Variants in PLXNA4 observed in about 807,000 individuals in gnomAD.
The protein encoded by PLXNA4 is plexin A4, also known as plexin-A4.
Under a neutral mutation model 191.8 loss-of-function variants are expected in PLXNA4, and 44 were observed. The ratio of observed to expected loss-of-function variants is 0.23; its 90% confidence interval spans 0.18 to 0.29. PLXNA4 has a LOEUF of 0.29. Among genes scored for constraint, PLXNA4 ranks in the 10% least tolerant of loss-of-function variants. The pLI, the probability that PLXNA4 is intolerant of heterozygous loss-of-function variation, is 1.00. For missense variants in PLXNA4, 1,800 were observed against 2,488.8 expected, an observed-to-expected ratio of 0.72 and a Z score of 5.89; for synonymous variants, 1,082 against 1,009.5, an observed-to-expected ratio of 1.07 and a Z score of -1.36.
chr7:132,145,721 T>TAGCACTG (rs1795406959), intron 28 of PLXNA4, among the ~76,000 whole-genome samples: 1 of 151,924 alleles, frequency 6.6e-6, no homozygotes, highest in African/African-American at 2.4e-5. Flanking sequence ...GAGCCCAGTC[T>TAGCACTG]CAGGAGTGAA....
At position 132,129,320 on chromosome 7, in the gene PLXNA4, C is replaced by T. The variant is rs1449447194; in HGVS notation, c.*1159G>A. ...GAAATCATTCCCAAAGAGGTCTGGA[C>T]AGCCCAGTGACAAAGTCATCTGCAT... On this transcript the variant is annotated 3_prime_UTR_variant, in exon 32 of 32. Transcript: ENST00000321063. 6.6e-6 allele frequency: 1 copy of T among 152,280 alleles called. No homozygotes were observed. The highest frequency in any genetic ancestry group is 1.5e-5 in the Non-Finnish European group (1 of 68,074). 9.4% of individuals were successfully genotyped at this position (152,280 alleles called of 1,614,324 possible).
At chr7:132,559,355 T>C (rs140865486) in intron 1 of PLXNA4, among the ~76,000 whole-genome samples, 66 of 152,212 alleles carry the variant, frequency 4.3e-4, no homozygotes, top group African/African-American at 1.5e-3. Context: ...CAAGACAATT[T>C]TATTAGCAGC....
chr7:132,241,166 G>T lies in PLXNA4; in HGVS notation c.1504C>A (p.Leu502Ile), dbSNP rs1211997183. The change falls in exon 5 of 32, where the codon CTC (leucine) becomes ATC (isoleucine). Residue 502 changes from leucine (L) to isoleucine (I), a missense_variant and splice_region_variant. By Grantham distance (5) the Leu-to-Ile change is conservative (BLOSUM62 2). Coordinates refer to ENST00000321063, the MANE Select transcript of PLXNA4 (RefSeq NM_020911.2). ...CAGGACTCCACAGGGACTCTGGTGA[G>T]CTAGGACAGCAGGATAGGGAGAAGG... ...EQLYIMSERQ[L>I]TRVPVESCGQ... 2.5e-6 allele frequency: 4 copies of T among 1,609,468 alleles called. No individual in the cohort carries two copies. The African/African-American group carries it at 5.3e-5, about 22-fold the overall frequency.
At chr7:132,295,038 A>G (rs766783588) in intron 4 of PLXNA4, among the ~76,000 whole-genome samples, 3 of 152,230 alleles carry the variant, frequency 2.0e-5, no homozygotes, top group Non-Finnish European at 2.9e-5. Context: ...TAGCCAATGA[A>G]TATAAGTGGT....
intron 2 of PLXNA4, among the ~76,000 whole-genome samples, chr7:132,610,559 T>C (rs1036678658): frequency 5.3e-5 from 8 of 152,300 alleles, no homozygotes; most frequent in African/African-American, 1.4e-4. Flanking sequence ...TGCTTAAAGC[T>C]CCCTCTCTCT....
intron 21 of PLXNA4, among the ~76,000 whole-genome samples, chr7:132,170,607 A>C (rs1796255823): frequency 6.6e-6 from 1 of 152,230 alleles, no homozygotes; most frequent in Non-Finnish European, 1.5e-5. Context: ...GGCTCAGGGC[A>C]AGGCACTGGC....
chr7:132,303,292 C>T (rs1466390002), intron 3 of PLXNA4, among the ~76,000 whole-genome samples: 8 of 147,420 alleles, frequency 5.4e-5, no homozygotes, highest in East Asian at 4.0e-4. Context: ...AGAAATTGGC[C>T]GGGTGCTGTT....
chr7:132,206,052 G>A (rs67581633), intron 10 of PLXNA4, among the ~76,000 whole-genome samples: 1 of 10,406 alleles, frequency 9.6e-5, no homozygotes, highest in Non-Finnish European at 1.3e-4. Context: ...GCACACACAC[G>A]CATAGACACA....
rs561471217 is a variant in PLXNA4 at position 132,224,380 on chromosome 7, GC to G, written c.1983-740del. On this transcript the variant is annotated intron_variant, in intron 8 of 31. Transcript: ENST00000321063. Reference sequence around the variant, plus strand: ...TGACTACCTGCTTGACCAAGGAAGAGCTGGTCACCCTGGGCCCTTCTCCCGT... The same window carrying G: ...TGACTACCTGCTTGACCAAGGAAGAGTGGTCACCCTGGGCCCTTCTCCCGT... Among the ~76,000 whole-genome samples the G allele has an allele frequency of 8.7e-3, 1,318 of 152,194 alleles. 8 individuals carry two copies. The highest frequency in any genetic ancestry group is 0.015 in the Non-Finnish European group (987 of 68,006).
intron 3 of PLXNA4, among the ~76,000 whole-genome samples, chr7:132,340,535 A>G (rs1802987263): frequency 6.6e-6 from 1 of 152,240 alleles, no homozygotes; most frequent in South Asian, 2.1e-4. Flanking sequence ...AATTTAGTGT[A>G]CACCAAGGAC....
At chr7:132,398,182 C>T (rs1227225439) in intron 3 of PLXNA4, among the ~76,000 whole-genome samples, 6 of 152,318 alleles carry the variant, frequency 3.9e-5, no homozygotes, top group Non-Finnish European at 7.3e-5. Context: ...CTGCCATAGA[C>T]GCCTGATAAT....
intron 1 of PLXNA4, among the ~76,000 whole-genome samples, chr7:132,518,690 G>A (rs747862774): frequency 4.4e-4 from 67 of 152,182 alleles, no homozygotes; most frequent in Non-Finnish European, 7.9e-4. Flanking sequence ...ATTAAAAGGG[G>A]ATGAGGAGAA....
At chr7:132,551,182 T>C (rs1040906476) in intron 1 of PLXNA4, among the ~76,000 whole-genome samples, 17 of 152,128 alleles carry the variant, frequency 1.1e-4, no homozygotes, top group Non-Finnish European at 2.1e-4. Flanking sequence ...CGAGCTTAGG[T>C]GCACACCCAG....
intron 3 of PLXNA4, among the ~76,000 whole-genome samples, chr7:132,436,191 C>A (rs561337615): frequency 6.6e-6 from 1 of 152,324 alleles, no homozygotes; most frequent in South Asian, 2.1e-4. Flanking sequence ...GCTGCACTCT[C>A]CTTCTTCCTG....
At chr7:132,505,782 T>C (rs1240879846) in intron 2 of PLXNA4, among the ~76,000 whole-genome samples, 1 of 152,170 alleles carries the variant, frequency 6.6e-6, no homozygotes, top group African/African-American at 2.4e-5. Flanking sequence ...TTTGAGTGTC[T>C]AATAGACATG....
intron 3 of PLXNA4, among the ~76,000 whole-genome samples, chr7:132,448,146 C>G (rs1349293887): frequency 6.6e-6 from 1 of 152,210 alleles, no homozygotes; most frequent in Non-Finnish European, 1.5e-5. Context: ...CCAGGACTTC[C>G]CATTCCCAGT....
chr7:132,177,415 A>C (rs1301808120), intron 20 of PLXNA4, among the ~76,000 whole-genome samples: 1 of 152,194 alleles, frequency 6.6e-6, no homozygotes, highest in Admixed American at 6.5e-5. Context: ...GCAGCCCTGT[A>C]AACGTTCAGT....
At chr7:132,407,535 C>T (rs1350020166) in intron 3 of PLXNA4, among the ~76,000 whole-genome samples, 1 of 152,220 alleles carries the variant, frequency 6.6e-6, no homozygotes, top group Admixed American at 6.5e-5. Context: ...CTTGCACACA[C>T]ACATGTGCAC....
chr7:132,589,093 A>T (rs1228751049), intron 2 of PLXNA4, among the ~76,000 whole-genome samples: 1 of 152,250 alleles, frequency 6.6e-6, no homozygotes, highest in African/African-American at 2.4e-5. Flanking sequence ...CATCCATTGA[A>T]AAAAACATTT....
Sources: allele counts gnomAD v4.1 joint callset (sites outside exome capture counted in the v4.1 genomes callset), GRCh38; gene constraint gnomAD v4.1.1; transcripts MANE v1.5; gene names NCBI Gene and HGNC (gene_info 2026-07-23, HGNC 2026-07-21).